Variants in SPTBN4 observed in about 807,000 individuals in gnomAD.
The protein encoded by SPTBN4 is spectrin beta, non-erythrocytic 4.
In SPTBN4, 96 loss-of-function variants were observed where a neutral mutation model predicts 277.8. The observed-to-expected ratio is 0.35, with a 90% confidence interval of 0.29 to 0.41. SPTBN4 has a LOEUF of 0.41. Ranked by LOEUF, SPTBN4 falls within the 10% of genes least tolerant of loss-of-function variation. The pLI is 1.00. For synonymous variants in SPTBN4, 1,481 were observed against 1,580.3 expected, an observed-to-expected ratio of 0.94 and a Z score of 1.49; for missense variants, 3,006 against 3,595.7, an observed-to-expected ratio of 0.84 and a Z score of 4.19.
intron 20 of SPTBN4, among the ~76,000 whole-genome samples, chr19:40,547,671 C>G (rs1307032598): frequency 1.3e-5 from 2 of 152,182 alleles, no homozygotes; most frequent in Non-Finnish European, 1.5e-5. Flanking sequence ...TCCTGTTTCT[C>G]CACATCCTCT....
rs746083095 is a variant in SPTBN4, at chr19:40,512,826, G to A, written c.2037G>A (p.Ala679=). The change falls in exon 14 of 36, where the codon GCG becomes GCA. Residue 679 remains alanine (A), a synonymous_variant. Coordinates refer to ENST00000598249, the MANE Select transcript of SPTBN4 (RefSeq NM_020971.3). Reference sequence around the variant, plus strand: ...GCGGCGGCGGTGCGGCGGGCGCAGCGGGCGCAGCGGGAACAGCGGGCGGCG... The same window carrying A: ...GCGGCGGCGGTGCGGCGGGCGCAGCAGGCGCAGCGGGAACAGCGGGCGGCG... ...AAGGGGAAGA[A]GAAGTAGGAH... is the part of the protein sequence containing the mutation. The A allele has an allele frequency of 1.4e-6, 2 of 1,450,736 alleles. No homozygotes were observed. The highest frequency in any genetic ancestry group is 1.4e-5 in the South Asian group (1 of 71,260). The allele number at this position is 1,450,736 out of a possible 1,614,324, so 89.9% of individuals were successfully genotyped here. A position where few individuals can be genotyped will look rare whatever the true frequency, so the allele number is the denominator to read the frequency against.
chr19:40,507,334 A>T (rs843780), intron 13 of SPTBN4, among the ~76,000 whole-genome samples: 80,542 of 151,396 alleles, frequency 0.53, 23,948 homozygotes, highest in African/African-American at 0.82. Flanking sequence ...TAAAATAAAA[A>T]AAAAAAAAGT....
intron 13 of SPTBN4, among the ~76,000 whole-genome samples, chr19:40,507,396 A>C (rs888053985): frequency 6.6e-6 from 1 of 152,014 alleles, no homozygotes; most frequent in Non-Finnish European, 1.5e-5. Context: ...GGTATGGCTC[A>C]AGGGTGCTTT....
rs932968109 is a variant in SPTBN4, at chr19:40,560,082, G to A, written c.5671-77G>A. The A allele has an allele frequency of 3.3e-5, 49 of 1,486,224 alleles. No individual in the cohort carries two copies. In the African/African-American group the frequency reaches 3.5e-4, roughly 10 times the overall value. 92.1% of individuals were successfully genotyped at this position (1,486,224 alleles called of 1,614,324 possible). ...GGCTCCTTATATCTTGAGGTTCTGC[G>A]CTGGAGCAGATGGTGGGAGGGAGGG... On this transcript the variant is annotated intron_variant, in intron 26 of 35. Transcript: ENST00000598249. This position sits in a 1 kb window ranked among gnomAD's most constrained non-coding sequence, Gnocchi z 5.2.
chr19:40,569,961 C>CACAG (rs752779513), intron 32 of SPTBN4, among the ~76,000 whole-genome samples: 6 of 145,778 alleles, frequency 4.1e-5, no homozygotes, highest in Non-Finnish European at 6.0e-5. Flanking sequence ...CACACACACA[C>CACAG]ACACACACAC....
At chr19:40,514,155 T>C (rs1462607600) in intron 14 of SPTBN4, among the ~76,000 whole-genome samples, 1 of 152,204 alleles carries the variant, frequency 6.6e-6, no homozygotes, top group East Asian at 1.9e-4. Flanking sequence ...TCTGCACCAC[T>C]CTGTCTGAGC....
At chr19:40,491,195 G>C (rs193054951) in intron 4 of SPTBN4, among the ~76,000 whole-genome samples, 1 of 152,286 alleles carries the variant, frequency 6.6e-6, no homozygotes, top group East Asian at 1.9e-4. Context: ...AAGATGAAGA[G>C]AGAATGCATT....
intron 11 of SPTBN4, among the ~76,000 whole-genome samples, chr19:40,503,500 G>A (rs2080286660): frequency 6.6e-6 from 1 of 151,476 alleles, no homozygotes; most frequent in Non-Finnish European, 1.5e-5. Context: ...GGAAGATTGG[G>A]CTGGTCTCCA....
chr19:40,511,811 C>T (rs547865297), intron 13 of SPTBN4, among the ~76,000 whole-genome samples: 1 of 152,088 alleles, frequency 6.6e-6, no homozygotes, highest in South Asian at 2.1e-4. Context: ...ACAGAGGGAA[C>T]CTAGAAACAT....
Position 40,504,022 on chromosome 19 carries a change from C to G in SPTBN4, c.1555C>G (p.Leu519Val). The G allele has an allele frequency of 6.2e-7, 1 of 1,613,996 alleles. No homozygotes were observed. The highest frequency in any genetic ancestry group is 8.5e-7 in the Non-Finnish European group (1 of 1,179,996). Residue 519 changes from leucine (L) to valine (V), a missense_variant, in exon 12 of 36, where the codon CTG (leucine) becomes GTG (valine). Around this residue, in one of 5 missense-constraint regions of SPTBN4, gnomAD observed 1,759 missense variants for 2,061.5 expected, o/e 0.85. Transcript: ENST00000598249. ...QRDSVLRQWA[L>V]LTGLVGARRT... The stretch of plus-strand genomic sequence containing the variant: ...TGACAGCGTCCTGCGCCAGTGGGCC[C>G]TGCTAACTGGGCTTGTGGGTGCCCG...
In SPTBN4 at chr19:40,570,377, C is replaced by T. The variant is rs961371012; in HGVS notation, c.7027-59C>T. The T allele has an allele frequency of 6.0e-6, 8 of 1,323,774 alleles. No individual in the cohort carries two copies. In the African/African-American group the frequency reaches 6.1e-5, roughly 10 times the overall value. The allele number at this position is 1,323,774 out of a possible 1,614,324, so 82.0% of individuals were successfully genotyped here. ...ACCCCAGACCCATGACTCCCCCAAACAGATGACCCCCACACCCTCTCCATG... is the reference window on the plus strand; with the variant it reads ...ACCCCAGACCCATGACTCCCCCAAATAGATGACCCCCACACCCTCTCCATG... On this transcript the variant is annotated intron_variant, in intron 32 of 35. Transcript: ENST00000598249.
chr19:40,475,178 T>C (rs1187533730), intron 2 of SPTBN4, among the ~76,000 whole-genome samples: 1 of 152,106 alleles, frequency 6.6e-6, no homozygotes, highest in Non-Finnish European at 1.5e-5. Flanking sequence ...TAGAAGTGTT[T>C]AATCATCAGC....
intron 5 of SPTBN4, 36 bp from the exon 6 acceptor site, chr19:40,494,861 C>T (rs372882274): frequency 1.3e-4 from 207 of 1,597,122 alleles, no homozygotes; most frequent in Non-Finnish European, 1.7e-4. Flanking sequence ...CTAACTCTCC[C>T]CATCTCTGCC....
intron 3 of SPTBN4, among the ~76,000 whole-genome samples, chr19:40,489,245 GAATA>G (rs1176536356): frequency 7.6e-6 from 1 of 131,074 alleles, no homozygotes; most frequent in Non-Finnish European, 1.6e-5. Context: ...AGAAAAAAAA[GAATA>G]GATAGGAACC....
chr19:40,532,999 T>A (rs928193936), intron 19 of SPTBN4, among the ~76,000 whole-genome samples: 15 of 152,178 alleles, frequency 9.9e-5, no homozygotes, highest in African/African-American at 3.6e-4. Context: ...TTCTGAATGG[T>A]GCCTGTATCC....
Position 40,556,306 on chromosome 19 carries a change from T to C in SPTBN4, c.5289+18T>C. On this transcript the variant is annotated intron_variant, in intron 25 of 35. Transcript: ENST00000598249. ...ATGTCTCGGTGAGCATCATTAGTAA[T>C]AAGTGATACCAGGAGCTACCACTAA... is the stretch of plus-strand genomic sequence containing the variant. The C allele has an allele frequency of 1.9e-6, 3 of 1,601,886 alleles. No individual in the cohort carries two copies. Among genetic ancestry groups the C allele is most frequent in the South Asian group, 2.2e-5 (2 of 90,456 alleles).
chr19:40,535,975 A>G (rs906303335), intron 20 of SPTBN4, among the ~76,000 whole-genome samples: 1 of 152,000 alleles, frequency 6.6e-6, no homozygotes, highest in Non-Finnish European at 1.5e-5. Context: ...ATAAAAAAAT[A>G]AAAAAAATAA....
At chr19:40,467,888 A>G (rs1023322931) in intron 1 of SPTBN4, among the ~76,000 whole-genome samples, 31 of 152,170 alleles carry the variant, frequency 2.0e-4, no homozygotes, top group Non-Finnish European at 4.4e-4. Flanking sequence ...CAGCAAGAAT[A>G]AAGCGGAACT....
intron 13 of SPTBN4, among the ~76,000 whole-genome samples, chr19:40,508,504 T>C (rs776570184): frequency 7.2e-5 from 11 of 152,080 alleles, no homozygotes; most frequent in Non-Finnish European, 1.6e-4. Context: ...CTGGCCAACA[T>C]GGTGAAACCC....
Sources: gnomAD v4.1 joint callset for allele counts (sites outside exome capture counted in the v4.1 genomes callset) on GRCh38, gnomAD v4.1.1 for gene constraint, gnomAD v4.1.1 regional missense constraint, Gnocchi (gnomAD v3.1) non-coding constraint, MANE v1.5 for transcripts, NCBI Gene and HGNC (gene_info 2026-07-23, HGNC 2026-07-21) for gene names.